Variants in FBXL13 observed in about 807,000 individuals in gnomAD.
The protein encoded by FBXL13 is F-box and leucine rich repeat protein 13.
A neutral mutation model predicts 83.6 loss-of-function variants in FBXL13; 67 were observed. The observed-to-expected ratio is 0.80, with a 90% confidence interval of 0.66 to 0.98. FBXL13 has a LOEUF of 0.98. FBXL13 is among the 50% of genes least tolerant of loss of function. The probability of loss-of-function intolerance (pLI) is 0.00; values close to 1 mark genes in which losing one functional copy is unlikely to be tolerated. For missense variants in FBXL13, 822 were observed against 866.5 expected (o/e 0.95, Z 0.64); for synonymous variants, 272 against 299.5 (o/e 0.91, Z 0.95).
chr7:103,007,620 T>A (rs1395829607), intron 6 of FBXL13, among the ~76,000 whole-genome samples: 1 of 152,112 alleles, frequency 6.6e-6, no homozygotes, highest in Non-Finnish European at 1.5e-5. Context: ...AAAACTCAGA[T>A]CTAAAGAAAA....
At chr7:103,023,054 A>G (rs1585407573) in intron 6 of FBXL13, among the ~76,000 whole-genome samples, 1 of 152,154 alleles carries the variant, frequency 6.6e-6, no homozygotes, top group South Asian at 2.1e-4. Context: ...AGGCGGGTGG[A>G]TCACGAGGTC....
chr7:102,859,238 G>C (rs866900106), intron 16 of FBXL13, among the ~76,000 whole-genome samples: 25 of 152,184 alleles, frequency 1.6e-4, no homozygotes, highest in Admixed American at 1.5e-3. Flanking sequence ...CCTTTCTGCT[G>C]TAAGTAAACA....
intron 18 of FBXL13, among the ~76,000 whole-genome samples, chr7:102,822,914 T>C (rs1053568726): frequency 1.3e-5 from 2 of 151,982 alleles, no homozygotes; most frequent in African/African-American, 4.8e-5. Context: ...ATACAAAAAT[T>C]AGCTGGGCAT....
chr7:103,057,930 CT>C (rs1230521743), intron 1 of FBXL13, among the ~76,000 whole-genome samples: 1 of 152,216 alleles, frequency 6.6e-6, no homozygotes, highest in East Asian at 1.9e-4. Context: ...TTCAGACCCA[CT>C]CCTGCTGGCT....
At chr7:102,956,788 C>T (rs1242179247) in intron 8 of FBXL13, among the ~76,000 whole-genome samples, 1 of 152,094 alleles carries the variant, frequency 6.6e-6, no homozygotes, top group African/African-American at 2.4e-5. Context: ...TTCACAATTG[C>T]TGCAAAGAGA....
intron 6 of FBXL13, among the ~76,000 whole-genome samples, chr7:103,024,857 A>ATATATTT (rs1298384907): frequency 9.5e-5 from 6 of 62,846 alleles, no homozygotes; most frequent in African/African-American, 5.4e-4. Flanking sequence ...ATATATATAT[A>ATATATTT]TTTTTTTTTT....
At chr7:103,012,555 G>C (rs1365027654) in intron 6 of FBXL13, among the ~76,000 whole-genome samples, 1 of 152,108 alleles carries the variant, frequency 6.6e-6, no homozygotes, top group Non-Finnish European at 1.5e-5. Context: ...ATGCAGCCAA[G>C]TTGTTTCCTA....
At chr7:102,948,909 G>A (rs903952763) in intron 8 of FBXL13, among the ~76,000 whole-genome samples, 1 of 151,740 alleles carries the variant, frequency 6.6e-6, no homozygotes, top group African/African-American at 2.4e-5. Flanking sequence ...ACAAGGTTTC[G>A]CCATGTTGGC....
At chr7:102,859,297 T>G (rs1806478550) in intron 16 of FBXL13, among the ~76,000 whole-genome samples, 1 of 152,082 alleles carries the variant, frequency 6.6e-6, no homozygotes, top group Admixed American at 6.6e-5. Context: ...AGATGAGGCC[T>G]CCACTAAAAA....
chr7:102,823,740 C>T (rs2129445933), intron 18 of FBXL13, among the ~76,000 whole-genome samples: 1 of 152,318 alleles, frequency 6.6e-6, no homozygotes, highest in African/African-American at 2.4e-5. Context: ...AGGCTTGGCT[C>T]TTGTTTTAAC....
At chr7:103,056,487 T>C (rs1797350939) in intron 1 of FBXL13, among the ~76,000 whole-genome samples, 1 of 152,176 alleles carries the variant, frequency 6.6e-6, no homozygotes, top group Non-Finnish European at 1.5e-5. Flanking sequence ...GAGCAGAGTC[T>C]TGCTCTTGTC....
At chr7:103,063,416 C>T (rs1480899444) in intron 1 of FBXL13, among the ~76,000 whole-genome samples, 1 of 152,136 alleles carries the variant, frequency 6.6e-6, no homozygotes, top group Non-Finnish European at 1.5e-5. Flanking sequence ...TATACAAATG[C>T]TATGCCACTT....
chr7:103,039,097 C>T (rs1295874852), intron 2 of FBXL13, among the ~76,000 whole-genome samples: 1 of 152,144 alleles, frequency 6.6e-6, no homozygotes, highest in Admixed American at 6.5e-5. Flanking sequence ...GAATGGCTAA[C>T]TAGAATGAAT....
chr7:102,877,791 ACTTT>A (rs1306990040), intron 15 of FBXL13, among the ~76,000 whole-genome samples, 198 bp from the exon 17 acceptor site: 23 of 152,196 alleles, frequency 1.5e-4, no homozygotes, highest in African/African-American at 4.3e-4. Context: ...TTATTATATG[ACTTT>A]CTTTCTGTAA....
intron 17 of FBXL13, among the ~76,000 whole-genome samples, chr7:102,841,444 C>T (rs7781557): frequency 0.16 from 24,498 of 152,172 alleles, 2,047 homozygotes; most frequent in Middle Eastern, 0.26. Context: ...AGCAGTGCTT[C>T]AGTTGTCTGA....
intron 6 of FBXL13, among the ~76,000 whole-genome samples, chr7:102,999,148 AT>A (rs1790129302): frequency 6.6e-6 from 1 of 151,878 alleles, no homozygotes; most frequent in African/African-American, 2.4e-5. Flanking sequence ...GTTGAATTTT[AT>A]TAAATGCTTT....
intron 6 of FBXL13, among the ~76,000 whole-genome samples, chr7:102,996,542 G>A (rs1789809351): frequency 2.0e-5 from 3 of 152,150 alleles, no homozygotes; most frequent in Admixed American, 2.0e-4. Context: ...CATTCAGTGA[G>A]ACAGACTATA....
At chr7:103,030,499 A>T (rs1794393201) in intron 2 of FBXL13, among the ~76,000 whole-genome samples, 1 of 152,182 alleles carries the variant, frequency 6.6e-6, no homozygotes, top group African/African-American at 2.4e-5. Flanking sequence ...GAAGGGGATG[A>T]GGTGGCAAAG....
At position 103,055,255 on chromosome 7, in the gene FBXL13, G is replaced by A. The variant is rs1585585626; in HGVS notation, c.-1+389C>T. ...TTCCGTAATTAAATCAGTGATTCTT[G>A]TAGGTGGAATGAAAGGGAGGAGAAG... On this transcript the variant is annotated intron_variant, in intron 2 of 19. Transcript: ENST00000313221. The A allele has an allele frequency of 3.8e-6, 3 of 785,334 alleles. No homozygotes were observed. The East Asian group carries it at 2.2e-4, about 57-fold the overall frequency. The allele number at this position is 785,334 out of a possible 1,614,324, so 48.6% of individuals were successfully genotyped here.
Sources: gnomAD v4.1 joint callset for allele counts (sites outside exome capture counted in the v4.1 genomes callset) on GRCh38, gnomAD v4.1.1 for gene constraint, MANE v1.5 for transcripts, NCBI Gene and HGNC (gene_info 2026-07-23, HGNC 2026-07-21) for gene names.